Variants in RSRP1 observed in about 807,000 individuals in gnomAD.
RSRP1 encodes arginine and serine rich protein 1.
RSRP1 carries 37 observed loss-of-function variants against 33.0 expected under a neutral mutation model. The observed-to-expected ratio is 1.12, with a 90% CI of 0.86 to 1.48. The LOEUF (loss-of-function observed/expected upper bound fraction) is 1.48, where lower values mean the gene tolerates loss of function less well. RSRP1 is among the 40% of genes most tolerant of loss of function. The pLI is 0.00. For synonymous variants in RSRP1, 167 were observed against 158.7 expected (o/e 1.05, Z -0.40); for missense variants, 402 against 385.3 (o/e 1.04, Z -0.36).
At chr1:25,255,809 T>A (rs1309672169) in intron 1 of RSRP1, among the ~76,000 whole-genome samples, 1 of 152,114 alleles carries the variant, frequency 6.6e-6, no homozygotes, top group East Asian at 1.9e-4. Context: ...ATTCCTCGCA[T>A]GCACAGAGTT....
chr1:25,256,543 A>G (rs1195566778), intron 1 of RSRP1, among the ~76,000 whole-genome samples: 1 of 152,096 alleles, frequency 6.6e-6, no homozygotes, highest in Non-Finnish European at 1.5e-5. Context: ...TACAGCCTCA[A>G]CCTTCCAGGC....
Position 25,267,520 on chromosome 1 carries a change from C to A in RSRP1, c.-66-20491G>T, listed in dbSNP as rs530621550. 7.3e-3 allele frequency among the ~76,000 whole-genome samples: 895 copies of A among 121,912 alleles called. 110 individuals carry two copies. The highest frequency in any genetic ancestry group is 0.024 in the African/African-American group (837 of 35,274). The allele number at this position is 121,912 out of a possible 152,430, so 80.0% of individuals were successfully genotyped here. Reference sequence around the variant, plus strand: ...CCCAGCCACGCCAAGCCGGGAAGTCCCCGCCTCCTGGAGCTGAACCCGCCC... The same window carrying A: ...CCCAGCCACGCCAAGCCGGGAAGTCACCGCCTCCTGGAGCTGAACCCGCCC... On this transcript the variant is annotated intron_variant, in intron 1 of 1. Coordinates refer to the RSRP1 transcript ENST00000561867.
chr1:25,330,345 G>C (rs1372618978), intron 1 of RSRP1: 2 of 132,558 alleles, frequency 1.5e-5, no homozygotes, highest in African/African-American at 5.2e-5. Context: ...GTTACTATGG[G>C]AAATCTTGTT....
chr1:25,301,324 C>G (rs1247147418), intron 1 of RSRP1, among the ~76,000 whole-genome samples: 1 of 130,424 alleles, frequency 7.7e-6, no homozygotes, highest in Non-Finnish European at 1.8e-5. Context: ...CCCTCTTGGC[C>G]TTTGTTTCCT....
At chr1:25,264,070 G>A (rs1640245373) in intron 1 of RSRP1, among the ~76,000 whole-genome samples, 1 of 152,050 alleles carries the variant, frequency 6.6e-6, no homozygotes, top group South Asian at 2.1e-4. Flanking sequence ...CTGTACCTTT[G>A]CAGGGTACAG....
chr1:25,303,569 A>C, intron 1 of RSRP1: 1 of 1,121,150 alleles, frequency 8.9e-7, no homozygotes, highest in Non-Finnish European at 1.3e-6. Context: ...GTGTCGGCGC[A>C]TTCTCTTATT....
At chr1:25,254,213 G>C (rs1313969142) in intron 1 of RSRP1, among the ~76,000 whole-genome samples, 1 of 152,148 alleles carries the variant, frequency 6.6e-6, no homozygotes, top group Non-Finnish European at 1.5e-5. Flanking sequence ...TAAGTCAGCT[G>C]ATCTTCCTAC....
chr1:25,290,893 C>T (rs1642444155), intron 1 of RSRP1: 1 of 1,190,830 alleles, frequency 8.4e-7, no homozygotes, highest in East Asian at 2.3e-5. Flanking sequence ...CCTGTAATCC[C>T]AGCTACTTGG....
chr1:25,310,351 G>C (rs1271948008), intron 1 of RSRP1, among the ~76,000 whole-genome samples: 1 of 133,070 alleles, frequency 7.5e-6, no homozygotes, highest in African/African-American at 2.5e-5. Context: ...AGAGAAATCT[G>C]AGCTGGCATG....
At chr1:25,254,866 G>C (rs1242311852) in intron 1 of RSRP1, among the ~76,000 whole-genome samples, 1 of 152,184 alleles carries the variant, frequency 6.6e-6, no homozygotes, top group Non-Finnish European at 1.5e-5. Flanking sequence ...TGCAATTACT[G>C]GTAGTGTCAC....
intron 1 of RSRP1, among the ~76,000 whole-genome samples, chr1:25,260,433 T>C (rs554773551): frequency 1.3e-5 from 2 of 151,948 alleles, no homozygotes; most frequent in Non-Finnish European, 2.9e-5. Flanking sequence ...TTTTACAGAT[T>C]TTTTTTTCCC....
At chr1:25,252,703 T>C (rs1326981235) in intron 1 of RSRP1, among the ~76,000 whole-genome samples, 1 of 152,116 alleles carries the variant, frequency 6.6e-6, no homozygotes, top group African/African-American at 2.4e-5. Context: ...CCAGCTAATT[T>C]TTGGTATTTT....
rs1210857950 is a variant in RSRP1 at position 25,296,153 on chromosome 1, G to A, written c.-67+41825C>T. 1.7e-5 allele frequency among the ~76,000 whole-genome samples: 2 copies of A among 119,126 alleles called. 1 individual carries two copies. The highest frequency in any genetic ancestry group is 1.6e-4 in the Admixed American group (2 of 12,336). The allele number at this position is 119,126 out of a possible 152,430, so 78.2% of individuals were successfully genotyped here. A position where few individuals can be genotyped will look rare whatever the true frequency, so the allele number is the denominator to read the frequency against. ...GCTGGGATTAGAGGTGTGAGCCACC[G>A]CGCCCAGCCTGGAAGTTTGTATTTA... On this transcript the variant is annotated intron_variant, in intron 1 of 1. Transcript: ENST00000561867.
At chr1:25,337,028 CA>C (rs766669826) in intron 1 of RSRP1, 6 of 159,204 alleles carry the variant, frequency 3.8e-5, no homozygotes, top group African/African-American at 1.2e-4. Flanking sequence ...CTCTTAACGA[CA>C]ATTGACCCAC....
At chr1:25,306,187 G>A (rs1383728222) in intron 1 of RSRP1, among the ~76,000 whole-genome samples, 1 of 131,794 alleles carries the variant, frequency 7.6e-6, no homozygotes, top group African/African-American at 2.6e-5. Flanking sequence ...ACAGTGGGGT[G>A]AGGGCTGCTA....
rs1470511976 is a variant in RSRP1, at chr1:25,299,811, G to A, written c.-67+38167C>T. Among the ~76,000 whole-genome samples, 8 of 131,708 alleles carry A rather than the reference G, an allele frequency of 6.1e-5. 2 individuals are homozygous for A. The highest frequency in any genetic ancestry group is 2.1e-4 in the African/African-American group (8 of 38,220). The allele number at this position is 131,708 out of a possible 152,430, so 86.4% of individuals were successfully genotyped here. On this transcript the variant is annotated intron_variant, in intron 1 of 1. Transcript: ENST00000561867. ...GTCGCTGAAGCTGGAGTGCAGTGGC[G>A]ACATCTCAGCTCACTATAGCCTCCG...
At position 25,280,104 on chromosome 1, in the gene RSRP1, GT is replaced by G. The variant is rs1641343570; in HGVS notation, c.-66-33076del. ...AATGTTATTTCCTGACCAGTTTGGG[GT>G]GCATGAGCTCTGTCAACAGCTCATG... On this transcript the variant is annotated intron_variant, in intron 1 of 1. Coordinates refer to the RSRP1 transcript ENST00000561867. Among the ~76,000 whole-genome samples the G allele has an allele frequency of 1.6e-5, 2 of 128,862 alleles. 1 individual carries two copies. Among genetic ancestry groups the G allele is most frequent in the Non-Finnish European group, 3.6e-5 (2 of 54,894 alleles). 84.5% of individuals were successfully genotyped at this position (128,862 alleles called of 152,430 possible).
chr1:25,312,749 C>T (rs1286656773), intron 1 of RSRP1, among the ~76,000 whole-genome samples: 1 of 116,414 alleles, frequency 8.6e-6, no homozygotes, highest in African/African-American at 2.8e-5. Flanking sequence ...GACTCTGTCT[C>T]TACAAATAAA....
chr1:25,294,597 C>T lies in RSRP1; in HGVS notation c.-67+43381G>A, dbSNP rs1369796605. ...TGGAGTTCGCAGCAACAGAGCTCGG[C>T]CTCCTTGGGCACCGCAAACGGCACT... On this transcript the variant is annotated intron_variant, in intron 1 of 1. Coordinates refer to the RSRP1 transcript ENST00000561867. 1.4e-5 allele frequency: 13 copies of T among 935,690 alleles called. 3 individuals are homozygous for T. Among genetic ancestry groups the T allele is most frequent in the Non-Finnish European group, 5.1e-6 (3 of 584,384 alleles). The allele number at this position is 935,690 out of a possible 1,614,324, so 58.0% of individuals were successfully genotyped here. A position where few individuals can be genotyped will look rare whatever the true frequency, so the allele number is the denominator to read the frequency against.
Sources: allele counts gnomAD v4.1 joint callset (sites outside exome capture counted in the v4.1 genomes callset), GRCh38; gene constraint gnomAD v4.1.1; transcripts MANE v1.5; gene names NCBI Gene and HGNC (gene_info 2026-07-23, HGNC 2026-07-21).